LAMC2: variants seen among roughly 807,000 people sequenced by gnomAD.
LAMC2 encodes laminin subunit gamma 2, also known as laminin subunit gamma-2.
A neutral mutation model predicts 140.2 loss-of-function variants in LAMC2; 97 were observed. That is an observed-to-expected ratio of 0.69 (90% CI 0.59 to 0.82). The LOEUF (loss-of-function observed/expected upper bound fraction) is 0.82, where lower values mean the gene tolerates loss of function less well. Among genes scored for constraint, LAMC2 ranks in the 40% least tolerant of loss-of-function variants. The pLI is 0.00. For synonymous variants in LAMC2, 513 were observed against 540.2 expected, an observed-to-expected ratio of 0.95 and a Z score of 0.70; for missense variants, 1,402 against 1,476.1, an observed-to-expected ratio of 0.95 and a Z score of 0.82.
chr1:183,213,781 C>G lies in LAMC2; in HGVS notation c.269-1672C>G, dbSNP rs537287851. Among the ~76,000 whole-genome samples the G allele has an allele frequency of 9.1e-5, 12 of 131,686 alleles. No homozygotes were observed. In the East Asian group the frequency reaches 3.1e-3, roughly 34 times the overall value. The allele number at this position is 131,686 out of a possible 152,430, so 86.4% of individuals were successfully genotyped here. A position where few individuals can be genotyped will look rare whatever the true frequency, so the allele number is the denominator to read the frequency against. On this transcript the variant is annotated intron_variant, in intron 2 of 22. Coordinates refer to ENST00000264144, the MANE Select transcript of LAMC2 (RefSeq NM_005562.3). ...AAAAAAAAAAAAAAGATATACAGAT[C>G]ATGGCCAGGTGCGGTGGCTCATGCC...
chr1:183,226,503 G>C (rs1659629715), intron 8 of LAMC2, among the ~76,000 whole-genome samples, 195 bp from the exon 9 acceptor site: 1 of 152,142 alleles, frequency 6.6e-6, no homozygotes, highest in African/African-American at 2.4e-5. Context: ...CAGAATTTAA[G>C]CCCTGGGTTT....
chr1:183,190,735 T>C (rs752698020), intron 1 of LAMC2, among the ~76,000 whole-genome samples: 1 of 152,160 alleles, frequency 6.6e-6, no homozygotes, highest in African/African-American at 2.4e-5. Context: ...ATATTGAAAG[T>C]CACATAATTG....
intron 15 of LAMC2, 151 bp from the exon 16 acceptor site, chr1:183,235,424 A>G: frequency 1.2e-6 from 1 of 811,924 alleles, no homozygotes; most frequent in Non-Finnish European, 2.1e-6. Context: ...GCTTCTTGAC[A>G]GCACCTCTAA....
chr1:183,207,845 T>C, intron 1 of LAMC2, 36 bp from the exon 2 acceptor site: 1 of 1,557,152 alleles, frequency 6.4e-7, no homozygotes, highest in African/African-American at 1.4e-5. Flanking sequence ...GTTTTTTTTT[T>C]TTTTTGACGA....
chr1:183,234,868 T>TG (rs150983468), intron 15 of LAMC2, among the ~76,000 whole-genome samples: 6,151 of 152,260 alleles, frequency 0.04, 398 homozygotes, highest in African/African-American at 0.14. Flanking sequence ...AACTTCCTCC[T>TG]GAAAACCGGC....
intron 2 of LAMC2, among the ~76,000 whole-genome samples, chr1:183,214,975 G>A (rs1659206563): frequency 6.6e-6 from 1 of 152,170 alleles, no homozygotes; most frequent in African/African-American, 2.4e-5. Context: ...CTCCTGGCAG[G>A]TGGATAGTTT....
chr1:183,228,291 G>A lies in LAMC2; in HGVS notation c.1469-83G>A, dbSNP rs74454634. 3,092 of 1,572,340 alleles carry A rather than the reference G, an allele frequency of 2.0e-3. 71 individuals carry two copies. The East Asian group carries it at 0.058, about 29-fold the overall frequency. The stretch of plus-strand genomic sequence containing the variant: ...GCACATTTCTCTGGCTCTTCTAGAG[G>A]GTGACTCGCAACTTTAGGCCTCTGC... On this transcript the variant is annotated intron_variant, in intron 10 of 22. Coordinates refer to ENST00000264144, the MANE Select transcript of LAMC2 (RefSeq NM_005562.3). This position sits in a 1 kb window ranked among gnomAD's most constrained non-coding sequence, Gnocchi z 4.3.
intron 1 of LAMC2, among the ~76,000 whole-genome samples, chr1:183,204,780 G>T (rs1558083050): frequency 6.6e-6 from 1 of 152,108 alleles, no homozygotes; most frequent in Non-Finnish European, 1.5e-5. Context: ...TATATAATGA[G>T]CTGCCCTTAT....
chr1:183,222,259 G>C, intron 6 of LAMC2, 48 bp downstream of exon 6: 5 of 1,594,806 alleles, frequency 3.1e-6, no homozygotes, highest in Non-Finnish European at 4.3e-6. Flanking sequence ...ATAGGACTAG[G>C]AAGTCAAGAT....
the LAMC2 span, among the ~76,000 whole-genome samples, chr1:183,256,090 C>T: frequency 6.6e-6 from 1 of 152,156 alleles, no homozygotes; most frequent in South Asian, 2.1e-4. Context: ...ATAATGTTAG[C>T]TGTGGGTTTT....
At chr1:183,254,251 A>C in the LAMC2 span, among the ~76,000 whole-genome samples, 3 of 152,206 alleles carry the variant, frequency 2.0e-5, no homozygotes, top group African/African-American at 4.8e-5. Flanking sequence ...GACATTTGTT[A>C]TCTCTTATCT....
chr1:183,255,065 T>C, the LAMC2 span, among the ~76,000 whole-genome samples: 5,564 of 152,282 alleles, frequency 0.037, 349 homozygotes, highest in African/African-American at 0.13. Flanking sequence ...ACACTTAGGT[T>C]CTTTATCCAT....
Position 183,239,409 on chromosome 1 carries a change from C to T in LAMC2, c.2915C>T (p.Ala972Val). The stretch of plus-strand genomic sequence containing the variant: ...AACAGAAAAGCAGAAGCTGAAGAAG[C>T]CATGAAGAGACTCTCCTACATCAGC... The part of the protein sequence containing the change: ...VDNRKAEAEE[A>V]MKRLSYISQK... The change falls in exon 20 of 23, where the codon GCC (alanine) becomes GTC (valine). Residue 972 changes from alanine (A) to valine (V), a missense_variant. Coordinates refer to ENST00000264144, the MANE Select transcript of LAMC2 (RefSeq NM_005562.3). The T allele has an allele frequency of 6.2e-7, 1 of 1,614,128 alleles. No individual in the cohort carries two copies. The highest frequency in any genetic ancestry group is 8.5e-7 in the Non-Finnish European group (1 of 1,180,006).
intron 1 of LAMC2, among the ~76,000 whole-genome samples, chr1:183,188,278 A>G (rs181280719): frequency 4.6e-5 from 7 of 152,194 alleles, no homozygotes; most frequent in African/African-American, 1.4e-4. Flanking sequence ...ATGCTTTTTC[A>G]TTCATGGGAT....
chr1:183,203,227 A>G (rs1658777322), intron 1 of LAMC2, among the ~76,000 whole-genome samples: 1 of 152,194 alleles, frequency 6.6e-6, no homozygotes, highest in African/African-American at 2.4e-5. Flanking sequence ...CATCAATTGC[A>G]TGTGGCTGCA....
chr1:183,217,124 A>G (rs971027247), intron 3 of LAMC2, among the ~76,000 whole-genome samples: 5 of 152,060 alleles, frequency 3.3e-5, no homozygotes, highest in African/African-American at 1.2e-4. Context: ...TGTGAGGGAG[A>G]AGGAGGGGTC....
At chr1:183,203,865 G>T (rs1357234055) in intron 1 of LAMC2, among the ~76,000 whole-genome samples, 1 of 152,142 alleles carries the variant, frequency 6.6e-6, no homozygotes, top group Non-Finnish European at 1.5e-5. Flanking sequence ...CTTTAAGGGA[G>T]ACCCATTTGA....
intron 12 of LAMC2, 102 bp from the exon 13 acceptor site, chr1:183,232,085 C>T: frequency 7.0e-7 from 1 of 1,429,870 alleles, no homozygotes. Context: ...ACATGCTAAG[C>T]ATTTCTGGAC....
intron 4 of LAMC2, among the ~76,000 whole-genome samples, chr1:183,218,927 G>A (rs3814337): frequency 0.25 from 38,412 of 152,160 alleles, 5,514 homozygotes; most frequent in African/African-American, 0.37. Context: ...TATAACCATC[G>A]TGTACAGAAG....
Sources: allele counts gnomAD v4.1 joint callset (sites outside exome capture counted in the v4.1 genomes callset), GRCh38; gene constraint gnomAD v4.1.1; non-coding constraint Gnocchi (gnomAD v3.1); transcripts MANE v1.5; gene names NCBI Gene and HGNC (gene_info 2026-07-23, HGNC 2026-07-21).